The following MAP4 variants were observed in gnomAD, a reference collection of about 807,000 sequenced individuals.
MAP4 encodes microtubule associated protein 4, also known as microtubule-associated protein 4.
A neutral mutation model predicts 170.2 loss-of-function variants in MAP4; 76 were observed. The observed-to-expected ratio is 0.45, with a 90% CI of 0.37 to 0.54. MAP4 has a LOEUF of 0.54. MAP4 is among the 20% of genes least tolerant of loss of function. MAP4 has a pLI of 0.00. For missense variants in MAP4, 2,506 were observed against 2,748.0 expected (o/e 0.91, Z 1.97); for synonymous variants, 909 against 994.5 (o/e 0.91, Z 1.62).
At chr3:48,069,541 T>C (rs1206994754) in intron 1 of MAP4, among the ~76,000 whole-genome samples, 5 of 152,222 alleles carry the variant, frequency 3.3e-5, no homozygotes, top group Non-Finnish European at 5.9e-5. Flanking sequence ...CTTAGACTTT[T>C]AGACAACACA....
At chr3:48,027,479 A>AAG (rs2100113706) in intron 1 of MAP4, among the ~76,000 whole-genome samples, 1 of 152,162 alleles carries the variant, frequency 6.6e-6, no homozygotes, top group Non-Finnish European at 1.5e-5. Flanking sequence ...AGTGGCCCAT[A>AAG]TAGTGTTTTG....
At chr3:47,969,830 A>G (rs1234557560) in intron 3 of MAP4, among the ~76,000 whole-genome samples, 1 of 151,898 alleles carries the variant, frequency 6.6e-6, no homozygotes, top group East Asian at 1.9e-4. Context: ...ACTGCACTCC[A>G]GCCTGGGCGA....
intron 1 of MAP4, among the ~76,000 whole-genome samples, chr3:48,040,240 A>T (rs534425026): frequency 2.8e-4 from 42 of 152,274 alleles, no homozygotes; most frequent in Admixed American, 2.6e-3. Context: ...TAAGGTTTTA[A>T]ATTTGACAAA....
chr3:47,917,635 C>T (rs1163686878), intron 6 of MAP4, among the ~76,000 whole-genome samples: 4 of 150,974 alleles, frequency 2.6e-5, no homozygotes, highest in South Asian at 4.2e-4. Context: ...GTAACATATT[C>T]TGCCTACTCT....
At chr3:47,928,731 T>G (rs1380185566) in intron 3 of MAP4, among the ~76,000 whole-genome samples, 1 of 151,906 alleles carries the variant, frequency 6.6e-6, no homozygotes, top group Non-Finnish European at 1.5e-5. Context: ...ACAGAGTGAC[T>G]TCTAGGTTAT....
rs573898393 is a variant in MAP4 at position 48,080,984 on chromosome 3, C to T, written c.-20+7789G>A. ...CTAAAAATACAAAAAATTAGCCAGG[C>T]GTGGTGGCGGGCTCCTGTATTCCCA... On this transcript the variant is annotated intron_variant, in intron 1 of 18. Transcript: ENST00000360240. Among the ~76,000 whole-genome samples, 7 of 152,278 alleles carry T rather than the reference C, an allele frequency of 4.6e-5. No homozygotes were observed. The South Asian group carries it at 8.3e-4, about 18-fold the overall frequency.
rs1449558212 is a variant in MAP4, at chr3:47,906,596, TC to T, written c.5383+2441del. On this transcript the variant is annotated intron_variant, in intron 9 of 20. Transcript: ENST00000683076. ...TACTCGGGAGGCTGAGGCAGGAGAA[TC>T]ACTTGAACCCAGGAGGCAGAGGTTG... 5.3e-5 allele frequency among the ~76,000 whole-genome samples: 8 copies of T among 151,054 alleles called. No individual in the cohort carries two copies. The East Asian group carries it at 1.6e-3, about 30-fold the overall frequency.
chr3:48,078,957 G>A (rs2100145218), intron 1 of MAP4, among the ~76,000 whole-genome samples: 1 of 152,092 alleles, frequency 6.6e-6, no homozygotes, highest in African/African-American at 2.4e-5. Context: ...GATCACTTGA[G>A]CCTAGGAGTT....
At chr3:47,870,343 A>G (rs1358215898) in intron 15 of MAP4, among the ~76,000 whole-genome samples, 1 of 152,204 alleles carries the variant, frequency 6.6e-6, no homozygotes, top group East Asian at 1.9e-4. Flanking sequence ...CATCCTGGCC[A>G]TAAGAGGACA....
chr3:47,908,927 G>T, intron 9 of MAP4, 111 bp downstream of exon 9: 1 of 1,156,500 alleles, frequency 8.6e-7, no homozygotes, highest in Non-Finnish European at 1.2e-6. Context: ...ACAAACCAAT[G>T]ATTAACAAGG....
chr3:48,056,656 G>A (rs2100131931), intron 1 of MAP4, among the ~76,000 whole-genome samples: 1 of 126,708 alleles, frequency 7.9e-6, no homozygotes, highest in East Asian at 2.4e-4. Flanking sequence ...CCCTGTCTGG[G>A]AGGGAGGTGG....
At chr3:48,029,394 C>T (rs2100114794) in intron 1 of MAP4, among the ~76,000 whole-genome samples, 1 of 151,938 alleles carries the variant, frequency 6.6e-6, no homozygotes, top group East Asian at 1.9e-4. Context: ...CGAGATGGCG[C>T]CACTGAACTC....
intron 17 of MAP4, among the ~76,000 whole-genome samples, chr3:47,864,566 A>G (rs1457934633): frequency 6.6e-6 from 1 of 152,128 alleles, no homozygotes; most frequent in Non-Finnish European, 1.5e-5. Context: ...AGTCCCAGCT[A>G]CTCGGGAGGC....
At chr3:47,865,575 G>A (rs1269819872) in intron 17 of MAP4, among the ~76,000 whole-genome samples, 1 of 152,182 alleles carries the variant, frequency 6.6e-6, no homozygotes, top group Non-Finnish European at 1.5e-5. Context: ...ACAACTGCTG[G>A]GGGTATCTGT....
chr3:47,980,002 T>C (rs2100084561), intron 2 of MAP4, among the ~76,000 whole-genome samples: 1 of 151,962 alleles, frequency 6.6e-6, no homozygotes, highest in Non-Finnish European at 1.5e-5. Context: ...TTTTTCATTA[T>C]TATTATTTTT....
chr3:47,875,517 G>A (rs1486223136), intron 12 of MAP4, among the ~76,000 whole-genome samples, 168 bp downstream of exon 12: 3 of 152,042 alleles, frequency 2.0e-5, no homozygotes, highest in Non-Finnish European at 2.9e-5. Context: ...CATAGGCAGC[G>A]CGTCCAGAGT....
chr3:47,981,404 A>C (rs2100085361), intron 2 of MAP4, among the ~76,000 whole-genome samples: 1 of 152,006 alleles, frequency 6.6e-6, no homozygotes, highest in Non-Finnish European at 1.5e-5. Flanking sequence ...ATAAATAAAT[A>C]AATAAATAAA....
In MAP4 at chr3:47,910,931, A is replaced by C; in HGVS notation, c.3490T>G (p.Ser1164Ala). The C allele has an allele frequency of 6.5e-7, 1 of 1,536,046 alleles. No individual in the cohort carries two copies. Among genetic ancestry groups the C allele is most frequent in the Non-Finnish European group, 8.7e-7 (1 of 1,146,888 alleles). ...MQALIPLESG[S>A]GMTQTSGVST... ...ACACCAGAAGTCTGAGTCATGCCTGATCCACTTTCCAAAGGAATCAATGCC... is the reference window on the plus strand; with the variant it reads ...ACACCAGAAGTCTGAGTCATGCCTGCTCCACTTTCCAAAGGAATCAATGCC... The change falls in exon 9 of 21, where the codon TCA (serine) becomes GCA (alanine). Residue 1164 changes from serine to alanine, a missense_variant. Physicochemically the swap from Ser to Ala is moderately conservative, Grantham distance 99 (BLOSUM62 1). Around this residue, in one of 3 missense-constraint regions of MAP4, gnomAD observed 2,008 missense variants for 2,206.0 expected, o/e 0.91. Coordinates refer to ENST00000683076, the MANE Select transcript of MAP4 (RefSeq NM_001385682.1).
rs534703956 is a variant in MAP4 at position 48,028,164 on chromosome 3, C to T, written c.-19-29285G>A. On this transcript the variant is annotated intron_variant, in intron 1 of 18. Coordinates refer to the MAP4 transcript ENST00000360240. ...AAAATTAGCCAGGTGTGGTAGCACA[C>T]GCCTATAGTCCCAACTACTTGGGAG... is the stretch of plus-strand genomic sequence containing the variant. Among the ~76,000 whole-genome samples, 6 of 152,202 alleles carry T rather than the reference C, an allele frequency of 3.9e-5. No individual in the cohort carries two copies. The East Asian group carries it at 5.8e-4, about 15-fold the overall frequency.
Sources: allele counts gnomAD v4.1 joint callset (sites outside exome capture counted in the v4.1 genomes callset), GRCh38; gene constraint gnomAD v4.1.1; regional missense constraint gnomAD v4.1.1; transcripts MANE v1.5; gene names NCBI Gene and HGNC (gene_info 2026-07-23, HGNC 2026-07-21).